SMURF1: variants seen among roughly 807,000 people sequenced by gnomAD.
SMURF1 encodes E3 ubiquitin-protein ligase SMURF1.
In SMURF1, 44 loss-of-function variants were observed where a neutral mutation model predicts 98.0. The observed-to-expected ratio is 0.45, with a 90% CI of 0.35 to 0.58. The LOEUF is 0.58. SMURF1 is among the 20% of genes least tolerant of loss of function. The probability of loss-of-function intolerance (pLI) is 0.00; values close to 1 mark genes in which losing one functional copy is unlikely to be tolerated. For synonymous variants in SMURF1, 396 were observed against 374.9 expected (o/e 1.06, Z -0.65); for missense variants, 687 against 938.4 (o/e 0.73, Z 3.50).
intron 1 of SMURF1, among the ~76,000 whole-genome samples, chr7:99,083,125 T>G (rs892035172): frequency 6.6e-6 from 1 of 152,136 alleles, no homozygotes; most frequent in Non-Finnish European, 1.5e-5. Flanking sequence ...AAAGAAAATG[T>G]TCTATAATTG....
intron 1 of SMURF1, among the ~76,000 whole-genome samples, chr7:99,115,353 G>T (rs550110757): frequency 6.6e-6 from 1 of 152,146 alleles, no homozygotes; most frequent in Non-Finnish European, 1.5e-5. Context: ...AGCACTTTGC[G>T]AGGCTGAAGC....
intron 1 of SMURF1, chr7:99,120,881 GC>G (rs749450861): frequency 8.0e-5 from 12 of 149,140 alleles, no homozygotes; most frequent in Non-Finnish European, 1.3e-4. Flanking sequence ...GCATTATTTA[GC>G]CCAAAAAGAT....
intron 1 of SMURF1, among the ~76,000 whole-genome samples, chr7:99,125,232 C>T (rs1283699914): frequency 6.6e-6 from 1 of 152,106 alleles, no homozygotes; most frequent in Non-Finnish European, 1.5e-5. Context: ...GCATGCACCA[C>T]CATGCCTGGC....
chr7:99,035,796 C>T, intron 15 of SMURF1, 80 bp from the exon 16 acceptor site: 1 of 1,399,916 alleles, frequency 7.1e-7, no homozygotes, highest in Non-Finnish European at 9.9e-7. Context: ...ACCCGACACA[C>T]AACAGTGAAA....
At chr7:99,040,975 G>T (rs1795354596) in intron 12 of SMURF1, among the ~76,000 whole-genome samples, 1 of 152,166 alleles carries the variant, frequency 6.6e-6, no homozygotes, top group Non-Finnish European at 1.5e-5. Context: ...AAAAGGGCAA[G>T]TTCCCTTCCT....
Position 99,118,218 on chromosome 7 carries a change from T to A in SMURF1, c.55+25508A>T, listed in dbSNP as rs577212342. ...CACCACTGATGGGATGGTAAAATGA[T>A]GCAGTGACTGGAAAACGGTTTGGCA... On this transcript the variant is annotated intron_variant, in intron 1 of 17. Transcript: ENST00000361368. Among the ~76,000 whole-genome samples the A allele has an allele frequency of 2.0e-5, 3 of 152,338 alleles. No individual in the cohort carries two copies. In the East Asian group the frequency reaches 5.8e-4, roughly 29 times the overall value.
At chr7:99,123,111 T>A (rs572179606) in intron 1 of SMURF1, among the ~76,000 whole-genome samples, 1 of 146,626 alleles carries the variant, frequency 6.8e-6, no homozygotes, top group Non-Finnish European at 1.5e-5. Flanking sequence ...TTATTTATTT[T>A]TTTTTTAGTA....
chr7:99,051,248 T>G, intron 8 of SMURF1, 109 bp downstream of exon 8: 2 of 962,554 alleles, frequency 2.1e-6, no homozygotes, highest in South Asian at 1.4e-5. Flanking sequence ...TATCATCTCA[T>G]TCATCACTAT....
At chr7:99,102,441 G>A (rs1563029287) in intron 1 of SMURF1, among the ~76,000 whole-genome samples, 1 of 152,054 alleles carries the variant, frequency 6.6e-6, no homozygotes, top group African/African-American at 2.4e-5. Flanking sequence ...CAAATTATAT[G>A]GTATGTGAAT....
chr7:99,112,930 G>A (rs1276050265), intron 1 of SMURF1, among the ~76,000 whole-genome samples: 2 of 152,120 alleles, frequency 1.3e-5, no homozygotes, highest in African/African-American at 4.8e-5. Flanking sequence ...ATGAAGTCAT[G>A]AGAATAGATA....
chr7:99,045,618 G>C (rs1795548058), intron 11 of SMURF1, 80 bp downstream of exon 11: 2 of 1,178,614 alleles, frequency 1.7e-6, no homozygotes, highest in African/African-American at 3.0e-5. Context: ...TTGGTGATGA[G>C]CACTGGAGAA....
At position 99,088,977 on chromosome 7, in the gene SMURF1, G is replaced by A. The variant is rs551423122; in HGVS notation, c.56-27140C>T. ...TCCTAGCACTATGGGAGGCTGAGGC[G>A]GGCAGATCACAAGGTCAAGAGATTG... On this transcript the variant is annotated intron_variant, in intron 1 of 17. Coordinates refer to ENST00000361368, the MANE Select transcript of SMURF1 (RefSeq NM_181349.3). Among the ~76,000 whole-genome samples the A allele has an allele frequency of 1.1e-4, 17 of 152,044 alleles. 1 individual carries two copies. Among genetic ancestry groups the A allele is most frequent in the African/African-American group, 2.9e-4 (12 of 41,476 alleles).
At chr7:99,129,307 C>T (rs931152676) in intron 1 of SMURF1, among the ~76,000 whole-genome samples, 1 of 152,184 alleles carries the variant, frequency 6.6e-6, no homozygotes, top group Non-Finnish European at 1.5e-5. Context: ...ACATATTGAA[C>T]ACATTATGTA....
At chr7:99,084,909 C>T (rs1796647539) in intron 1 of SMURF1, among the ~76,000 whole-genome samples, 1 of 152,036 alleles carries the variant, frequency 6.6e-6, no homozygotes, top group Non-Finnish European at 1.5e-5. Context: ...GATTTAACAC[C>T]ACCCTCCTTG....
intron 1 of SMURF1, among the ~76,000 whole-genome samples, chr7:99,074,133 A>G (rs549670936): frequency 5.9e-5 from 9 of 152,348 alleles, no homozygotes; most frequent in African/African-American, 1.9e-4. Flanking sequence ...ATAAAGTACA[A>G]AAGCAGACAG....
At chr7:99,047,607 C>T (rs1795625116) in intron 10 of SMURF1, 77 bp downstream of exon 10, 2 of 1,462,844 alleles carry the variant, frequency 1.4e-6, no homozygotes, top group Non-Finnish European at 1.9e-6. Context: ...TGAAAACAAT[C>T]GCATTTGAGA....
Position 99,057,547 on chromosome 7 carries a change from C to G in SMURF1, c.208G>C (p.Val70Leu), listed in dbSNP as rs771324347. ...PKWNQHYDLY[V>L]GKTDSITISV... ...ATGGTTATCGAATCCGTTTTCCCAA[C>G]ATATCTGGAAAGAAAGTGCAAAACT... Residue 70 changes from valine to leucine, a missense_variant, in exon 4 of 18, where the codon GTT becomes CTT. Physicochemically the swap from Val to Leu is conservative, Grantham distance 32. This residue lies in a region of SMURF1 where 415 missense variants were observed against 508.4 expected (regional missense o/e 0.82). Coordinates refer to ENST00000361368, the MANE Select transcript of SMURF1 (RefSeq NM_181349.3). 6.5e-6 allele frequency: 10 copies of G among 1,536,150 alleles called. 1 individual carries two copies. The South Asian group carries it at 1.0e-4, about 16-fold the overall frequency.
Position 99,049,531 on chromosome 7 carries a change from G to C in SMURF1, c.953+32C>G, listed in dbSNP as rs754540228. On this transcript the variant is annotated intron_variant, in intron 9 of 17. Transcript: ENST00000361368. Reference sequence around the variant, plus strand: ...AGAAAGCATTCGATTACCAATGAAAGAGGTCAGCAAAAAATATTTTTAAAG... The same window carrying C: ...AGAAAGCATTCGATTACCAATGAAACAGGTCAGCAAAAAATATTTTTAAAG... The C allele has an allele frequency of 1.9e-6, 3 of 1,602,232 alleles. No individual in the cohort carries two copies. In the South Asian group the frequency reaches 3.4e-5, roughly 18 times the overall value.
intron 3 of SMURF1, among the ~76,000 whole-genome samples, chr7:99,058,452 G>A (rs1041107225): frequency 3.3e-5 from 5 of 152,028 alleles, no homozygotes; most frequent in Admixed American, 1.3e-4. Flanking sequence ...TTTAATAGTC[G>A]CATAGGACAG....
Sources: allele counts gnomAD v4.1 joint callset (sites outside exome capture counted in the v4.1 genomes callset), GRCh38; gene constraint gnomAD v4.1.1; regional missense constraint gnomAD v4.1.1; transcripts MANE v1.5; gene names NCBI Gene and HGNC (gene_info 2026-07-23, HGNC 2026-07-21).